Variants in UNC80 observed in about 807,000 individuals in gnomAD.
UNC80 encodes protein unc-80 homolog.
Under a neutral mutation model 384.6 loss-of-function variants are expected in UNC80, and 164 were observed. The ratio of observed to expected loss-of-function variants is 0.43; its 90% CI spans 0.38 to 0.49. The LOEUF (loss-of-function observed/expected upper bound fraction) is 0.49, where lower values mean the gene tolerates loss of function less well. Ranked by LOEUF, UNC80 falls within the 20% of genes least tolerant of loss-of-function variation. The probability of loss-of-function intolerance (pLI) is 0.00; values close to 1 mark genes in which losing one functional copy is unlikely to be tolerated. For synonymous variants in UNC80, 1,486 were observed against 1,527.8 expected (o/e 0.97, Z 0.64); for missense variants, 3,330 against 4,143.0 (o/e 0.80, Z 5.39).
chr2:209,808,714 G>A (rs762503776), intron 7 of UNC80: 4 of 106,262 alleles, frequency 3.8e-5, no homozygotes, highest in East Asian at 3.0e-4. Context: ...TTGGCGGAGC[G>A]GCTGCACTCA....
intron 22 of UNC80, among the ~76,000 whole-genome samples, chr2:209,851,800 G>T (rs2082551579): frequency 6.6e-6 from 1 of 152,056 alleles, no homozygotes; most frequent in Admixed American, 6.6e-5. Context: ...GTCAGCAAAG[G>T]ATGGAGCCAG....
At chr2:209,810,416 TTG>T (rs1412027927) in intron 7 of UNC80, among the ~76,000 whole-genome samples, 1 of 152,204 alleles carries the variant, frequency 6.6e-6, no homozygotes, top group East Asian at 1.9e-4. Context: ...ATAAAGCAAT[TTG>T]TGTATTTTTT....
chr2:209,836,542 A>G (rs895766995), intron 18 of UNC80, among the ~76,000 whole-genome samples: 5 of 152,204 alleles, frequency 3.3e-5, no homozygotes, highest in Admixed American at 2.6e-4. Flanking sequence ...CATTTAGCAC[A>G]TCTATTCTTT....
rs971384898 is a variant in UNC80, at chr2:209,996,791, A to C, written c.*1196A>C. On this transcript the variant is annotated 3_prime_UTR_variant, in exon 65 of 65. Coordinates refer to ENST00000673920, the MANE Select transcript of UNC80 (RefSeq NM_001371986.1). ...CTGTGCATCACGTGGTTCACAATTG[A>C]ATTTCAAAATTTTAACAGTTTACAT... 1 of 152,156 alleles carries C rather than the reference A, an allele frequency of 6.6e-6. No individual in the cohort carries two copies. The highest frequency in any genetic ancestry group is 1.5e-5 in the Non-Finnish European group (1 of 68,022). 9.4% of individuals were successfully genotyped at this position (152,156 alleles called of 1,614,324 possible).
chr2:209,936,598 TG>T (rs1226956620), intron 40 of UNC80, among the ~76,000 whole-genome samples: 1 of 152,128 alleles, frequency 6.6e-6, no homozygotes, highest in East Asian at 1.9e-4. Context: ...TAGCTCTGTG[TG>T]GGTATATATG....
intron 5 of UNC80, among the ~76,000 whole-genome samples, chr2:209,786,980 CATATATATATAT>C (rs60467878): frequency 0.086 from 11,609 of 135,698 alleles, 683 homozygotes; most frequent in Admixed American, 0.18. Context: ...TCTACAGAAG[CATATATATATAT>C]ATATATATAT....
At chr2:209,888,295 G>T (rs2086015303) in intron 26 of UNC80, 35 bp downstream of exon 26, 2 of 1,547,408 alleles carry the variant, frequency 1.3e-6, no homozygotes, top group South Asian at 2.4e-5. Context: ...ATGTTTCAGG[G>T]TTTCTTGTTT....
At chr2:209,907,014 C>T (rs1017016239) in intron 29 of UNC80, among the ~76,000 whole-genome samples, 1 of 152,150 alleles carries the variant, frequency 6.6e-6, no homozygotes, top group Admixed American at 6.5e-5. Context: ...CCAACCCAAA[C>T]ATTCTTTAAG....
chr2:209,901,104 A>G (rs2087346838), intron 28 of UNC80, among the ~76,000 whole-genome samples: 1 of 152,244 alleles, frequency 6.6e-6, no homozygotes, highest in African/African-American at 2.4e-5. Flanking sequence ...AGCCAGGATC[A>G]TTGATGTAGG....
rs1248016098 is a variant in UNC80, at chr2:209,973,107, G to C, written c.8424G>C (p.Gln2808His). 6.4e-7 allele frequency: 1 copy of C among 1,551,632 alleles called. No individual in the cohort carries two copies. The highest frequency in any genetic ancestry group is 1.2e-5 in the South Asian group (1 of 84,054). The part of the protein sequence containing the change: ...LEQPEVQLLL[Q>H]TVINVLLPPR... Reference sequence around the variant, plus strand: ...AGCCTGAGGTGCAGCTGCTGCTGCAGACAGTCATCAATGTACTCCTCCCAC... The same window carrying C: ...AGCCTGAGGTGCAGCTGCTGCTGCACACAGTCATCAATGTACTCCTCCCAC... Residue 2808 changes from glutamine (Q) to histidine (H), a missense_variant, in exon 56 of 65, where the codon CAG becomes CAC. Coordinates refer to ENST00000673920, the MANE Select transcript of UNC80 (RefSeq NM_001371986.1).
At position 209,904,887 on chromosome 2, in the gene UNC80, C is replaced by T. The variant is rs372650028; in HGVS notation, c.4704C>T (p.Leu1568=). The T allele has an allele frequency of 9.0e-6, 14 of 1,551,734 alleles. No homozygotes were observed. The African/African-American group carries it at 1.9e-4, about 21-fold the overall frequency. ...CARLVRAIKL[L]YGDSVDSLRE... is the part of the protein sequence containing the mutation. The stretch of plus-strand genomic sequence containing the variant: ...GACTGGTCAGAGCCATCAAGCTACT[C>T]TATGGAGACAGTGTGGACTCCCTGA... Residue 1568 remains leucine (L), a synonymous_variant, in exon 29 of 65, where the codon CTC becomes CTT. Coordinates refer to ENST00000673920, the MANE Select transcript of UNC80 (RefSeq NM_001371986.1).
intron 42 of UNC80, among the ~76,000 whole-genome samples, chr2:209,937,857 A>T (rs1026757390): frequency 6.6e-6 from 1 of 152,202 alleles, no homozygotes; most frequent in African/African-American, 2.4e-5. Flanking sequence ...GTAATGATGA[A>T]TTATTGAGTA....
At chr2:209,863,186 T>A (rs2083466804) in intron 22 of UNC80, among the ~76,000 whole-genome samples, 1 of 152,182 alleles carries the variant, frequency 6.6e-6, no homozygotes, top group African/African-American at 2.4e-5. Context: ...CTTGTAGAGT[T>A]TCTGCTGAGA....
chr2:209,914,432 T>C lies in UNC80; in HGVS notation c.5029+492T>C, dbSNP rs1328957260. Among the ~76,000 whole-genome samples, 3 of 152,348 alleles carry C rather than the reference T, an allele frequency of 2.0e-5. No individual in the cohort carries two copies. The East Asian group carries it at 5.8e-4, about 29-fold the overall frequency. On this transcript the variant is annotated intron_variant, in intron 31 of 64. Transcript: ENST00000673920. The stretch of plus-strand genomic sequence containing the variant: ...GTGTATTCTTCATTTTTCCACTTTT[T>C]ATACAGATCGCTAAATTTGTATCTG...
chr2:209,832,756 T>A (rs1245260130), intron 16 of UNC80, among the ~76,000 whole-genome samples: 1 of 152,220 alleles, frequency 6.6e-6, no homozygotes, highest in Non-Finnish European at 1.5e-5. Context: ...CATCTTTTTT[T>A]ACAAACTCAT....
intron 51 of UNC80, among the ~76,000 whole-genome samples, chr2:209,962,086 G>A: frequency 6.6e-6 from 1 of 152,150 alleles, no homozygotes; most frequent in East Asian, 1.9e-4. Context: ...TTCCTTCTGG[G>A]AATGGGGCAA....
Position 209,789,578 on chromosome 2 carries a change from A to C in UNC80, c.771A>C (p.Ser257=). The C allele has an allele frequency of 6.2e-7, 1 of 1,613,452 alleles. No homozygotes were observed. The highest frequency in any genetic ancestry group is 8.5e-7 in the Non-Finnish European group (1 of 1,179,558). The change falls in exon 6 of 65, where the codon TCA becomes TCC. Residue 257 remains serine (S), a synonymous_variant. Transcript: ENST00000673920. ...ACAGTCAAAGCCGGACCTGTGAATC[A>C]CCAAATCAAGATGCAAGACACTTAG... ...PINSQSRTCE[S]PNQDARHLEG...
chr2:209,929,731 C>G, intron 36 of UNC80, 140 bp from the exon 37 acceptor site: 1 of 562,630 alleles, frequency 1.8e-6, no homozygotes, highest in East Asian at 3.3e-5. Context: ...GAACAAACAC[C>G]TACGTTGCAA....
At chr2:209,977,156 C>T (rs2093034688) in intron 58 of UNC80, 78 bp downstream of exon 58, 4 of 1,321,552 alleles carry the variant, frequency 3.0e-6, no homozygotes, top group Admixed American at 2.7e-5. Flanking sequence ...CTGTCCAGGT[C>T]ACCACACTTT....
Sources: gnomAD v4.1 joint callset for allele counts (sites outside exome capture counted in the v4.1 genomes callset) on GRCh38, gnomAD v4.1.1 for gene constraint, MANE v1.5 for transcripts, NCBI Gene and HGNC (gene_info 2026-07-23, HGNC 2026-07-21) for gene names.